Variants in TNFSF4 observed in about 807,000 individuals in gnomAD.
The protein encoded by TNFSF4 is tumor necrosis factor ligand superfamily member 4.
A neutral mutation model predicts 7.3 loss-of-function variants in TNFSF4; 4 were observed. That is an observed-to-expected ratio of 0.55 (90% CI 0.27 to 1.25). The LOEUF (loss-of-function observed/expected upper bound fraction) is 1.25. TNFSF4 is among the 50% of genes most tolerant of loss of function. The pLI is 0.12. For synonymous variants in TNFSF4, 76 were observed against 83.7 expected (o/e 0.91, Z 0.50); for missense variants, 181 against 208.8 (o/e 0.87, Z 0.82).
chr1:173,407,392 T>A, the TNFSF4 span, among the ~76,000 whole-genome samples: 1 of 151,706 alleles, frequency 6.6e-6, no homozygotes, highest in Non-Finnish European at 1.5e-5. Flanking sequence ...AAACCCCGTC[T>A]CCATAAAAAG....
At chr1:173,178,521 C>G in the TNFSF4 span, among the ~76,000 whole-genome samples, 3 of 152,122 alleles carry the variant, frequency 2.0e-5, no homozygotes, top group African/African-American at 4.8e-5. Flanking sequence ...TTTCAGGGAG[C>G]TGAGATGGCG....
chr1:173,418,907 A>C, the TNFSF4 span, among the ~76,000 whole-genome samples: 4 of 152,202 alleles, frequency 2.6e-5, no homozygotes, highest in Non-Finnish European at 5.9e-5. Flanking sequence ...TGACCCCCAA[A>C]TTTCATGTGC....
the TNFSF4 span, among the ~76,000 whole-genome samples, chr1:173,419,448 C>T: frequency 2.0e-4 from 30 of 152,152 alleles, no homozygotes; most frequent in Non-Finnish European, 4.0e-4. Context: ...AGCAAGAAGG[C>T]CTTCACCAAA....
the TNFSF4 span, among the ~76,000 whole-genome samples, chr1:173,325,040 C>A: frequency 6.6e-6 from 1 of 152,196 alleles, no homozygotes; most frequent in Admixed American, 6.5e-5. Context: ...GAACTCTCCA[C>A]CCCAAATCAA....
the TNFSF4 span, among the ~76,000 whole-genome samples, chr1:173,272,021 A>C: frequency 1.3e-5 from 2 of 152,188 alleles, no homozygotes; most frequent in African/African-American, 4.8e-5. Context: ...TGCATCCATA[A>C]AATGTATGAG....
the TNFSF4 span, among the ~76,000 whole-genome samples, chr1:173,438,231 C>T: frequency 5.9e-5 from 9 of 152,056 alleles, no homozygotes; most frequent in Non-Finnish European, 8.8e-5. Flanking sequence ...AAAACCTATA[C>T]AACATGAAAA....
chr1:173,310,060 C>T, the TNFSF4 span, among the ~76,000 whole-genome samples: 2 of 151,756 alleles, frequency 1.3e-5, no homozygotes, highest in South Asian at 2.1e-4. Context: ...TGTGTTATCC[C>T]TCTTTTTGTC....
At chr1:173,222,766 CT>C in the TNFSF4 span, among the ~76,000 whole-genome samples, 2 of 152,074 alleles carry the variant, frequency 1.3e-5, no homozygotes, top group East Asian at 3.9e-4. Flanking sequence ...TTTTTAATAG[CT>C]ATTAAAGGTG....
chr1:173,201,734 AAT>A (rs1475837505), intron 1 of TNFSF4, among the ~76,000 whole-genome samples: 1 of 152,176 alleles, frequency 6.6e-6, no homozygotes, highest in Non-Finnish European at 1.5e-5. Flanking sequence ...TGTATAAGCA[AAT>A]GTTTTAATTC....
chr1:173,266,017 C>A, the TNFSF4 span, among the ~76,000 whole-genome samples: 2 of 152,154 alleles, frequency 1.3e-5, no homozygotes, highest in African/African-American at 4.8e-5. Context: ...ATGAAACCAT[C>A]ACAATAGGAC....
the TNFSF4 span, among the ~76,000 whole-genome samples, chr1:173,336,694 TA>T: frequency 1.3e-5 from 2 of 152,138 alleles, no homozygotes; most frequent in South Asian, 4.1e-4. Flanking sequence ...CAATTGGAAC[TA>T]GTGAGCAAGA....
the TNFSF4 span, among the ~76,000 whole-genome samples, chr1:173,382,247 C>T: frequency 1.3e-5 from 2 of 152,136 alleles, no homozygotes; most frequent in African/African-American, 2.4e-5. Flanking sequence ...AGCTGTAACA[C>T]TCACTGCAAA....
At chr1:173,426,975 CAAAG>C in the TNFSF4 span, among the ~76,000 whole-genome samples, 1 of 152,114 alleles carries the variant, frequency 6.6e-6, no homozygotes, top group Non-Finnish European at 1.5e-5. Flanking sequence ...GCTCTGAAGA[CAAAG>C]AAAAACGCCA....
chr1:173,260,344 C>T, the TNFSF4 span, among the ~76,000 whole-genome samples: 2 of 152,064 alleles, frequency 1.3e-5, no homozygotes, highest in Admixed American at 6.6e-5. Context: ...AAAGGAAGCA[C>T]CAAATATGGA....
chr1:173,341,747 T>C, the TNFSF4 span, among the ~76,000 whole-genome samples: 1 of 152,174 alleles, frequency 6.6e-6, no homozygotes, highest in African/African-American at 2.4e-5. Flanking sequence ...CAGTGCCCCA[T>C]AAATGTTGTT....
the TNFSF4 span, among the ~76,000 whole-genome samples, chr1:173,214,763 T>C: frequency 1.3e-5 from 2 of 152,238 alleles, no homozygotes; most frequent in East Asian, 1.9e-4. Context: ...CCATTTATTG[T>C]GTGCTTTCTC....
At chr1:173,372,485 T>C in the TNFSF4 span, among the ~76,000 whole-genome samples, 1 of 152,186 alleles carries the variant, frequency 6.6e-6, no homozygotes, top group Non-Finnish European at 1.5e-5. Context: ...TTGGAGTCCT[T>C]ACTCAGACTC....
At chr1:173,433,002 C>A in the TNFSF4 span, among the ~76,000 whole-genome samples, 2 of 152,070 alleles carry the variant, frequency 1.3e-5, no homozygotes, top group Admixed American at 1.3e-4. Context: ...TACACATATA[C>A]GTAACATATA....
At chr1:173,418,714 A>AT in the TNFSF4 span, 10 of 152,208 alleles carry the variant, frequency 6.6e-5, no homozygotes, top group Non-Finnish European at 7.3e-5. Context: ...GGTAGCAAAC[A>AT]TAATGGAGGG....
Sources: gnomAD v4.1 joint callset for allele counts (sites outside exome capture counted in the v4.1 genomes callset) on GRCh38, gnomAD v4.1.1 for gene constraint, MANE v1.5 for transcripts, NCBI Gene and HGNC (gene_info 2026-07-23, HGNC 2026-07-21) for gene names.